Variants in SIN3B observed in about 807,000 individuals in gnomAD.
SIN3B encodes paired amphipathic helix protein Sin3b.
Under a neutral mutation model 120.2 loss-of-function variants are expected in SIN3B, and 19 were observed. That is an observed-to-expected ratio of 0.16 (90% CI 0.11 to 0.23). The LOEUF (loss-of-function observed/expected upper bound fraction) is 0.23. Ranked by LOEUF, SIN3B falls within the 10% of genes least tolerant of loss-of-function variation. The pLI is 1.00. For missense variants in SIN3B, 1,073 were observed against 1,573.0 expected, an observed-to-expected ratio of 0.68 and a Z score of 5.38; for synonymous variants, 654 against 653.2, an observed-to-expected ratio of 1.00 and a Z score of -0.02.
intron 8 of SIN3B, among the ~76,000 whole-genome samples, chr19:16,857,517 ATGTGTGTGTGTG>A (rs72233219): frequency 2.2e-3 from 201 of 93,472 alleles, no homozygotes; most frequent in Non-Finnish European, 3.6e-3. Flanking sequence ...TAAAAAAAAT[ATGTGTGTGTGTG>A]TGTGTGTGTG....
chr19:16,862,457 A>T lies in SIN3B; in HGVS notation c.1164A>T (p.Glu388Asp). 6.2e-7 allele frequency: 1 copy of T among 1,614,162 alleles called. No individual in the cohort carries two copies. The highest frequency in any genetic ancestry group is 8.5e-7 in the Non-Finnish European group (1 of 1,180,032). The change falls in exon 9 of 19, where the codon GAA becomes GAT. Residue 388 changes from glutamate (E) to aspartate (D), a missense_variant. By Grantham distance (45) the Glu-to-Asp change is conservative. Coordinates refer to ENST00000248054, the MANE Select transcript of SIN3B (RefSeq NM_001297595.2). This position sits in a 1 kb window ranked among gnomAD's most constrained non-coding sequence, Gnocchi z 4.7. ...SDRSGDGISREIDYASCKRIG... is the reference protein window; with the variant it reads ...SDRSGDGISRDIDYASCKRIG... The stretch of plus-strand genomic sequence containing the variant: ...GATCCGGGGACGGGATAAGCCGGGA[A>T]ATTGATTATGCATCCTGCAAGCGCA...
chr19:16,873,526 C>T (rs935246791), intron 14 of SIN3B, among the ~76,000 whole-genome samples: 9 of 150,652 alleles, frequency 6.0e-5, no homozygotes, highest in Admixed American at 1.3e-4. Flanking sequence ...GTCCCCTCCC[C>T]CCCCCCCCAG....
At chr19:16,877,436 C>G (rs1269635977) in intron 16 of SIN3B, 109 bp from the exon 17 acceptor site, 1 of 750,504 alleles carries the variant, frequency 1.3e-6, no homozygotes, top group East Asian at 2.7e-5. Flanking sequence ...CATGCTCTGG[C>G]AGTGGGGGGC....
At chr19:16,866,666 C>A in intron 12 of SIN3B, 110 bp downstream of exon 12, 1 of 1,070,420 alleles carries the variant, frequency 9.3e-7, no homozygotes, top group Non-Finnish European at 1.4e-6. Context: ...GTGGCATTGC[C>A]CTTTCAGGGC....
At chr19:16,866,636 CCTGGTGGT>C in intron 12 of SIN3B, 80 bp downstream of exon 12, 1 of 1,421,484 alleles carries the variant, frequency 7.0e-7, no homozygotes, top group South Asian at 1.2e-5. Flanking sequence ...CCTCTGTTTC[CCTGGTGGT>C]TAGGCAGGGT....
intron 6 of SIN3B, 31 bp downstream of exon 6, chr19:16,851,565 C>T (rs976444409): frequency 2.6e-6 from 4 of 1,549,240 alleles, no homozygotes; most frequent in Non-Finnish European, 1.7e-6. Context: ...GCCATGCCTG[C>T]ACGCGGGGCC....
chr19:16,877,814 T>G (rs991818971), intron 17 of SIN3B, among the ~76,000 whole-genome samples, 175 bp downstream of exon 17: 5 of 152,118 alleles, frequency 3.3e-5, no homozygotes, highest in Non-Finnish European at 7.4e-5. Flanking sequence ...GTGGAGGGAT[T>G]AGTAACCCCA....
intron 14 of SIN3B, among the ~76,000 whole-genome samples, chr19:16,874,339 G>C (rs2051553514): frequency 6.6e-6 from 1 of 151,914 alleles, no homozygotes; most frequent in Admixed American, 6.6e-5. Flanking sequence ...GTCTGGTCTA[G>C]TTTTGGTCTG....
chr19:16,875,933 A>G, intron 14 of SIN3B, 122 bp from the exon 15 acceptor site: 2 of 1,215,430 alleles, frequency 1.6e-6, no homozygotes, highest in Non-Finnish European at 2.3e-6. Flanking sequence ...TGGTCTCTTC[A>G]TCCCTGTGTC....
At chr19:16,838,592 G>A (rs1971377037) in intron 3 of SIN3B, among the ~76,000 whole-genome samples, 1 of 152,120 alleles carries the variant, frequency 6.6e-6, no homozygotes, top group African/African-American at 2.4e-5. Context: ...ATGGATGTTT[G>A]GCCTGTTTCC....
chr19:16,858,508 C>A (rs1188583936), intron 8 of SIN3B, among the ~76,000 whole-genome samples: 1 of 152,042 alleles, frequency 6.6e-6, no homozygotes, highest in African/African-American at 2.4e-5. Context: ...TTTTTAGCAT[C>A]TTAATGAATT....
intron 3 of SIN3B, among the ~76,000 whole-genome samples, chr19:16,833,414 A>G (rs912121688): frequency 1.3e-5 from 2 of 151,404 alleles, no homozygotes; most frequent in African/African-American, 2.4e-5. Flanking sequence ...TGGGTAGATT[A>G]CAAGGTCAGG....
chr19:16,855,357 C>T (rs1971597860), intron 8 of SIN3B: 1 of 105,222 alleles, frequency 9.5e-6, no homozygotes, highest in Admixed American at 1.1e-4. Context: ...GAGGAACCCT[C>T]TGGGAGAAAC....
intron 14 of SIN3B, among the ~76,000 whole-genome samples, chr19:16,874,520 C>CTCTGATCTGG: frequency 7.5e-6 from 1 of 133,474 alleles, no homozygotes; most frequent in Non-Finnish European, 1.6e-5. Flanking sequence ...ATTTGGTCTG[C>CTCTGATCTGG]TCTGATCTGG....
At chr19:16,867,256 G>A (rs552655602) in intron 12 of SIN3B, among the ~76,000 whole-genome samples, 2 of 152,208 alleles carry the variant, frequency 1.3e-5, no homozygotes, top group African/African-American at 4.8e-5. Flanking sequence ...GATTTTACCA[G>A]TGGGGAAACT....
intron 16 of SIN3B, 165 bp from the exon 17 acceptor site, chr19:16,877,380 G>T (rs2051622438): frequency 1.6e-6 from 1 of 610,912 alleles, no homozygotes; most frequent in Admixed American, 2.7e-5. Context: ...GCTATAGTCT[G>T]TTGGGGTCTC....
At chr19:16,877,873 G>A (rs1272389002) in intron 17 of SIN3B, among the ~76,000 whole-genome samples, 2 of 152,198 alleles carry the variant, frequency 1.3e-5, no homozygotes, top group Non-Finnish European at 2.9e-5. Flanking sequence ...ATGCGTCAGT[G>A]GGTGAAGAGT....
chr19:16,861,529 G>A (rs1272748543), intron 8 of SIN3B, among the ~76,000 whole-genome samples: 2 of 152,158 alleles, frequency 1.3e-5, no homozygotes, highest in African/African-American at 2.4e-5. Context: ...TTGGGAGGCC[G>A]AGGCGGGTGA....
chr19:16,859,523 G>A (rs543278711), intron 8 of SIN3B, among the ~76,000 whole-genome samples: 14 of 152,312 alleles, frequency 9.2e-5, no homozygotes, highest in Admixed American at 7.8e-4. Flanking sequence ...GTCAAGCTGA[G>A]CCCATCAGAA....
Sources: gnomAD v4.1 joint callset for allele counts (sites outside exome capture counted in the v4.1 genomes callset) on GRCh38, gnomAD v4.1.1 for gene constraint, Gnocchi (gnomAD v3.1) non-coding constraint, MANE v1.5 for transcripts, NCBI Gene and HGNC (gene_info 2026-07-23, HGNC 2026-07-21) for gene names.